Variants in TYW1 observed in about 807,000 individuals in gnomAD.
TYW1 encodes the protein tRNA-yW synthesizing protein 1 homolog, also known as S-adenosyl-L-methionine-dependent tRNA 4-demethylwyosine synthase TYW1.
Under a neutral mutation model 96.2 loss-of-function variants are expected in TYW1, and 46 were observed. The ratio of observed to expected loss-of-function variants is 0.48; its 90% CI spans 0.38 to 0.61. The LOEUF (loss-of-function observed/expected upper bound fraction) is 0.61, where lower values mean the gene tolerates loss of function less well. Among genes scored for constraint, TYW1 ranks in the 20% least tolerant of loss-of-function variants. TYW1 has a pLI of 0.00. For synonymous variants in TYW1, 274 were observed against 323.0 expected (o/e 0.85, Z 1.63); for missense variants, 684 against 909.6 (o/e 0.75, Z 3.19).
intron 6 of TYW1, among the ~76,000 whole-genome samples, chr7:67,021,550 C>A (rs1211679821): frequency 4.1e-4 from 62 of 152,352 alleles, no homozygotes; most frequent in Non-Finnish European, 3.4e-4. Flanking sequence ...GAGCCCACTG[C>A]ATGGCTCCTT....
intron 14 of TYW1, among the ~76,000 whole-genome samples, chr7:67,186,288 C>CG (rs150959793): frequency 0.18 from 18,718 of 102,956 alleles, 2,896 homozygotes; most frequent in East Asian, 0.28. Context: ...ACCTCTCCCC[C>CG]CTCCTTTCTT....
chr7:67,117,691 T>A, intron 13 of TYW1, 73 bp downstream of exon 13: 1 of 1,371,914 alleles, frequency 7.3e-7, no homozygotes, highest in Non-Finnish European at 9.5e-7. Context: ...GAAAGAAAGA[T>A]GGAAGAAAAG....
At chr7:67,141,453 G>A (rs1004539705) in intron 13 of TYW1, among the ~76,000 whole-genome samples, 29 of 152,206 alleles carry the variant, frequency 1.9e-4, no homozygotes, top group African/African-American at 5.8e-4. Flanking sequence ...ATTTGGTACA[G>A]TGGCTACTGA....
intron 13 of TYW1, among the ~76,000 whole-genome samples, chr7:67,121,183 GT>G (rs572800602): frequency 2.1e-4 from 32 of 151,556 alleles, no homozygotes; most frequent in Admixed American, 1.8e-3. Flanking sequence ...TTTTACTGTT[GT>G]TTAGCACTTA....
At chr7:67,229,707 A>G (rs1460954826) in intron 15 of TYW1, among the ~76,000 whole-genome samples, 1 of 152,228 alleles carries the variant, frequency 6.6e-6, no homozygotes, top group Non-Finnish European at 1.5e-5. Flanking sequence ...TATTCCCAGC[A>G]TTTTAAGAGG....
At chr7:67,064,321 T>C (rs1270094386) in intron 9 of TYW1, among the ~76,000 whole-genome samples, 1 of 152,230 alleles carries the variant, frequency 6.6e-6, no homozygotes, top group East Asian at 1.9e-4. Context: ...GTTATCAAGA[T>C]GGTGTGGTAC....
At position 67,076,337 on chromosome 7, in the gene TYW1, T is replaced by G. The variant is rs557511076; in HGVS notation, c.1275-7093T>G. Reference sequence around the variant, plus strand: ...TTCTGCAGAAAGTAAAAAAATGGCCTTGCTGAGAAAATTAAATTTATGTTC... The same window carrying G: ...TTCTGCAGAAAGTAAAAAAATGGCCGTGCTGAGAAAATTAAATTTATGTTC... On this transcript the variant is annotated intron_variant, in intron 10 of 15. Transcript: ENST00000359626. Among the ~76,000 whole-genome samples the G allele has an allele frequency of 1.1e-4, 17 of 152,294 alleles. No homozygotes were observed. The East Asian group carries it at 3.1e-3, about 28-fold the overall frequency.
At chr7:67,032,885 CTTTTTTTTTTT>C (rs778743156) in intron 7 of TYW1, among the ~76,000 whole-genome samples, 5 of 76,278 alleles carry the variant, frequency 6.6e-5, no homozygotes, top group Admixed American at 3.7e-4. Flanking sequence ...AGAAGTATAC[CTTTTTTTTTTT>C]TTTTTTTTTT....
chr7:67,170,038 A>G (rs1799469005), intron 13 of TYW1, among the ~76,000 whole-genome samples: 1 of 152,170 alleles, frequency 6.6e-6, no homozygotes, highest in Non-Finnish European at 1.5e-5. Flanking sequence ...TTCCTAATGC[A>G]AGGTGACAGA....
chr7:67,211,150 T>TTGTGTGTGTGTGTGTGG (rs1801004189), intron 15 of TYW1, among the ~76,000 whole-genome samples: 1 of 125,724 alleles, frequency 8.0e-6, no homozygotes, highest in South Asian at 2.9e-4. Context: ...CCCATCAACA[T>TTGTGTGTGTGTGTGTGG]TGTGTGTGTG....
chr7:67,091,967 G>C (rs955031991), intron 11 of TYW1, among the ~76,000 whole-genome samples: 2 of 152,114 alleles, frequency 1.3e-5, no homozygotes, highest in African/African-American at 2.4e-5. Flanking sequence ...TCCTGTCCTC[G>C]TGGCTGCTCT....
At chr7:67,034,810 A>G (rs1794781534) in intron 7 of TYW1, among the ~76,000 whole-genome samples, 1 of 152,244 alleles carries the variant, frequency 6.6e-6, no homozygotes, top group Non-Finnish European at 1.5e-5. Context: ...TGTGGCTGAT[A>G]TAAACTTATC....
At chr7:67,065,313 G>A (rs1361417660) in intron 9 of TYW1, among the ~76,000 whole-genome samples, 4 of 152,182 alleles carry the variant, frequency 2.6e-5, no homozygotes, top group African/African-American at 9.7e-5. Context: ...TCCACATGCC[G>A]TTGCATTGCA....
intron 8 of TYW1, among the ~76,000 whole-genome samples, chr7:67,052,730 ATTAT>A (rs1584504742): frequency 6.6e-6 from 1 of 151,484 alleles, no homozygotes. Flanking sequence ...TTTTATTTTT[ATTAT>A]TTATTTATTT....
chr7:67,117,558 C>A lies in TYW1; in HGVS notation c.1638C>A (p.Arg546=), dbSNP rs1563022727. ...STKDSLKKID[R]PLFKDFWQRF... is the part of the protein sequence containing the mutation. ...AAGACAGCCTGAAGAAAATCGACCG[C>A]CCACTCTTCAAGGATTTCTGGCAGA... Residue 546 remains arginine, a synonymous_variant, in exon 13 of 16, where the codon CGC becomes CGA. Transcript: ENST00000359626. 1 of 1,613,902 alleles carries A rather than the reference C, an allele frequency of 6.2e-7. No individual in the cohort carries two copies. Among genetic ancestry groups the A allele is most frequent in the African/African-American group, 1.3e-5 (1 of 74,894 alleles).
At chr7:67,222,468 GT>G (rs1360365039) in intron 15 of TYW1, among the ~76,000 whole-genome samples, 3 of 139,002 alleles carry the variant, frequency 2.2e-5, no homozygotes, top group Non-Finnish European at 3.1e-5. Flanking sequence ...AGGATTCCTG[GT>G]TGACATTTTT....
chr7:67,185,046 G>T (rs1022574041), intron 14 of TYW1, among the ~76,000 whole-genome samples: 2 of 152,054 alleles, frequency 1.3e-5, no homozygotes, highest in African/African-American at 4.8e-5. Context: ...TAAATGGTAA[G>T]CAGAAACCTG....
rs1795903323 is a variant in TYW1 at position 67,067,550 on chromosome 7, G to A, written c.1274+147G>A. ...GTGAATGTTAGTGTATAAAAATTTT[G>A]TAGACAAATATTTTTGTTTCTCTTG... On this transcript the variant is annotated intron_variant, in intron 10 of 15. Coordinates refer to ENST00000359626, the MANE Select transcript of TYW1 (RefSeq NM_018264.4). 5.3e-6 allele frequency: 5 copies of A among 943,752 alleles called. No homozygotes were observed. In the East Asian group the frequency reaches 1.3e-4, roughly 24 times the overall value. 58.5% of individuals were successfully genotyped at this position (943,752 alleles called of 1,614,324 possible).
At chr7:67,130,664 CA>C (rs111869101) in intron 13 of TYW1, among the ~76,000 whole-genome samples, 6,303 of 137,476 alleles carry the variant, frequency 0.046, 180 homozygotes, top group Middle Eastern at 0.11. Flanking sequence ...ACTCTTAACT[CA>C]AAAAAAAAAA....
Sources: gnomAD v4.1 joint callset for allele counts (sites outside exome capture counted in the v4.1 genomes callset) on GRCh38, gnomAD v4.1.1 for gene constraint, MANE v1.5 for transcripts, NCBI Gene and HGNC (gene_info 2026-07-23, HGNC 2026-07-21) for gene names.